CACNA2D3: variants seen among roughly 807,000 people sequenced by gnomAD.
CACNA2D3 encodes the protein voltage-dependent calcium channel subunit alpha-2/delta-3.
CACNA2D3 carries 60 observed loss-of-function variants against 160.6 expected under a neutral mutation model. That is an observed-to-expected ratio of 0.37 (90% CI 0.30 to 0.46). The LOEUF (loss-of-function observed/expected upper bound fraction) is 0.46, where lower values mean the gene tolerates loss of function less well. Ranked by LOEUF, CACNA2D3 falls within the 20% of genes least tolerant of loss-of-function variation. The pLI, the probability that CACNA2D3 is intolerant of heterozygous loss-of-function variation, is 1.00. For synonymous variants in CACNA2D3, 558 were observed against 492.9 expected (o/e 1.13, Z -1.75); for missense variants, 1,205 against 1,365.0 (o/e 0.88, Z 1.85).
chr3:54,910,346 T>C (rs759902240), intron 27 of CACNA2D3, among the ~76,000 whole-genome samples: 7 of 152,246 alleles, frequency 4.6e-5, no homozygotes, highest in Non-Finnish European at 1.0e-4. Context: ...CATTACTCAT[T>C]CTTTTATGCT....
At chr3:54,228,592 T>G (rs1701715229) in intron 2 of CACNA2D3, among the ~76,000 whole-genome samples, 1 of 152,210 alleles carries the variant, frequency 6.6e-6, no homozygotes, top group Non-Finnish European at 1.5e-5. Flanking sequence ...ATTTCACACA[T>G]GAAATTCAGA....
intron 27 of CACNA2D3, among the ~76,000 whole-genome samples, chr3:54,931,926 A>G (rs969904701): frequency 1.3e-5 from 2 of 152,184 alleles, no homozygotes; most frequent in African/African-American, 4.8e-5. Context: ...CACGCTTGCA[A>G]TCCTAGCACT....
intron 14 of CACNA2D3, among the ~76,000 whole-genome samples, chr3:54,831,792 C>T (rs944876630): frequency 1.3e-5 from 2 of 152,030 alleles, no homozygotes; most frequent in African/African-American, 4.8e-5. Context: ...TCTAGAGCTG[C>T]CTAGGTCATT....
At chr3:54,285,816 C>G (rs1703005123) in intron 2 of CACNA2D3, among the ~76,000 whole-genome samples, 1 of 152,366 alleles carries the variant, frequency 6.6e-6, no homozygotes, top group South Asian at 2.1e-4. Context: ...CCCTGGCAAA[C>G]AGGGTCTGGA....
chr3:54,936,950 A>G (rs933921721), intron 27 of CACNA2D3, among the ~76,000 whole-genome samples: 2 of 152,148 alleles, frequency 1.3e-5, no homozygotes, highest in Admixed American at 6.6e-5. Context: ...ATAAGTTCCT[A>G]TCCATGGCCT....
At chr3:54,762,681 G>A (rs2107091240) in intron 12 of CACNA2D3, among the ~76,000 whole-genome samples, 1 of 152,306 alleles carries the variant, frequency 6.6e-6, no homozygotes, top group East Asian at 1.9e-4. Context: ...CAAAGCTGAT[G>A]TGACCCCAAG....
intron 2 of CACNA2D3, among the ~76,000 whole-genome samples, chr3:54,202,907 T>C (rs1701204000): frequency 6.6e-6 from 1 of 152,136 alleles, no homozygotes; most frequent in South Asian, 2.1e-4. Flanking sequence ...AAGCAAGGCT[T>C]AGGGGAGAGT....
At chr3:54,361,694 T>G (rs929049982) in intron 3 of CACNA2D3, among the ~76,000 whole-genome samples, 1 of 152,232 alleles carries the variant, frequency 6.6e-6, no homozygotes, top group East Asian at 1.9e-4. Context: ...ACAGGTTTGG[T>G]GACCTTGGGT....
chr3:54,134,234 T>C (rs906738912), intron 2 of CACNA2D3, among the ~76,000 whole-genome samples: 3 of 152,000 alleles, frequency 2.0e-5, no homozygotes, highest in African/African-American at 7.3e-5. Flanking sequence ...AGGTCTGGGG[T>C]TCTGGGTTGT....
chr3:54,489,254 T>A (rs1197951603), intron 4 of CACNA2D3, among the ~76,000 whole-genome samples: 13 of 152,224 alleles, frequency 8.5e-5, no homozygotes, highest in Admixed American at 8.5e-4. Context: ...GGAAGCTCGC[T>A]ATGCCATAAG....
chr3:55,045,303 G>A (rs940555172), intron 35 of CACNA2D3, among the ~76,000 whole-genome samples: 1 of 152,172 alleles, frequency 6.6e-6, no homozygotes, highest in Non-Finnish European at 1.5e-5. Flanking sequence ...ACCCACCTCG[G>A]CCTCCCAAAG....
chr3:54,864,547 A>T (rs1205343104), intron 17 of CACNA2D3, among the ~76,000 whole-genome samples: 1 of 152,186 alleles, frequency 6.6e-6, no homozygotes, highest in African/African-American at 2.4e-5. Flanking sequence ...GGCGCGAGCC[A>T]CTGTGCCTGG....
At chr3:54,771,046 G>C (rs1317450) in intron 13 of CACNA2D3, among the ~76,000 whole-genome samples, 46,684 of 151,972 alleles carry the variant, frequency 0.31, 7,732 homozygotes, top group African/African-American at 0.43. Context: ...TGATTTGTTT[G>C]TGTCATCCTT....
chr3:54,447,938 C>T lies in CACNA2D3; in HGVS notation c.382-55554C>T, dbSNP rs572447972. On this transcript the variant is annotated intron_variant, in intron 4 of 37. Transcript: ENST00000474759. The stretch of plus-strand genomic sequence containing the variant: ...AGAAAGAACTAACAATAGAAAAACC[C>T]GTATTTAGTGATGATATCAGTGGGA... 3.3e-4 allele frequency among the ~76,000 whole-genome samples: 50 copies of T among 152,154 alleles called. No homozygotes were observed. In the South Asian group the frequency reaches 7.3e-3, roughly 22 times the overall value.
chr3:54,206,441 G>A (rs529444881), intron 2 of CACNA2D3, among the ~76,000 whole-genome samples: 1 of 152,268 alleles, frequency 6.6e-6, no homozygotes, highest in South Asian at 2.1e-4. Context: ...TAGAGACTCT[G>A]TGTCCTGGGA....
chr3:54,186,514 G>A (rs1425968838), intron 2 of CACNA2D3, among the ~76,000 whole-genome samples: 1 of 152,118 alleles, frequency 6.6e-6, no homozygotes, highest in Admixed American at 6.5e-5. Context: ...ATCTGAAGGT[G>A]TATTTTTCTC....
intron 11 of CACNA2D3, among the ~76,000 whole-genome samples, chr3:54,646,290 G>C (rs1699649903): frequency 6.7e-6 from 1 of 149,684 alleles, no homozygotes; most frequent in African/African-American, 2.5e-5. Context: ...ATATGTGCAG[G>C]TTGTGCAGGT....
chr3:54,866,751 G>A (rs992904287), intron 17 of CACNA2D3, among the ~76,000 whole-genome samples: 3 of 152,154 alleles, frequency 2.0e-5, no homozygotes, highest in South Asian at 2.1e-4. Flanking sequence ...ACGCAAAGGG[G>A]TGCTGGTATC....
intron 17 of CACNA2D3, among the ~76,000 whole-genome samples, chr3:54,850,373 T>C (rs1199870998): frequency 6.6e-6 from 1 of 152,194 alleles, no homozygotes; most frequent in Non-Finnish European, 1.5e-5. Context: ...GAAATGCTTT[T>C]TGAGTTGTTA....
Sources: allele counts gnomAD v4.1 joint callset (sites outside exome capture counted in the v4.1 genomes callset), GRCh38; gene constraint gnomAD v4.1.1; transcripts MANE v1.5; gene names NCBI Gene and HGNC (gene_info 2026-07-23, HGNC 2026-07-21).